The following PNPLA1 variants were observed in gnomAD, a reference collection of about 807,000 sequenced individuals.
PNPLA1 encodes patatin like domain 1, omega-hydroxyceramide transacylase.
A neutral mutation model predicts 51.7 loss-of-function variants in PNPLA1; 36 were observed. That is an observed-to-expected ratio of 0.70 (90% CI 0.53 to 0.92). The LOEUF is 0.92. Among genes scored for constraint, PNPLA1 ranks in the 40% least tolerant of loss-of-function variants. The probability of loss-of-function intolerance (pLI) is 0.00; values close to 1 mark genes in which losing one functional copy is unlikely to be tolerated. For missense variants in PNPLA1, 658 were observed against 682.5 expected, an observed-to-expected ratio of 0.96 and a Z score of 0.40; for synonymous variants, 293 against 280.1, an observed-to-expected ratio of 1.05 and a Z score of -0.46.
chr6:36,290,382 T>C (rs1160697631), intron 1 of PNPLA1, among the ~76,000 whole-genome samples: 4 of 152,116 alleles, frequency 2.6e-5, no homozygotes, highest in Non-Finnish European at 5.9e-5. Context: ...CTTAGTGTAA[T>C]AGCAGGAGCC....
At chr6:36,309,227 C>T (rs1342532211) in intron 8 of PNPLA1, among the ~76,000 whole-genome samples, 2 of 152,132 alleles carry the variant, frequency 1.3e-5, no homozygotes, top group Non-Finnish European at 2.9e-5. Context: ...GTGGAGCAAA[C>T]CACATGTTCT....
intron 1 of PNPLA1, among the ~76,000 whole-genome samples, chr6:36,287,330 G>GTA (rs1770525302): frequency 6.6e-6 from 1 of 152,008 alleles, no homozygotes; most frequent in Non-Finnish European, 1.5e-5. Flanking sequence ...AGGAGGAGGA[G>GTA]AACCAGATTT....
chr6:36,262,832 A>T (rs779791164), intron 1 of PNPLA1, among the ~76,000 whole-genome samples: 146 of 152,338 alleles, frequency 9.6e-4, no homozygotes, highest in Non-Finnish European at 1.2e-3. Context: ...ATGTGGCTAT[A>T]CCATCATTCA....
chr6:36,302,003 A>G lies in PNPLA1; in HGVS notation c.918A>G (p.Gly306=). Residue 306 remains glycine (G), a synonymous_variant, in exon 6 of 9, where the codon GGA becomes GGG. Coordinates refer to ENST00000636260, the MANE Select transcript of PNPLA1 (RefSeq NM_001374623.1). ...SLRARQASLE[G]ATQPHKEWVP... is the part of the protein sequence containing the mutation. ...GAGCACGGCAGGCCAGTCTGGAAGGAGCCACACAACCTCACAAGGAGTGGG... is the reference window on the plus strand; with the variant it reads ...GAGCACGGCAGGCCAGTCTGGAAGGGGCCACACAACCTCACAAGGAGTGGG... The G allele has an allele frequency of 2.5e-6, 4 of 1,614,220 alleles. No homozygotes were observed. Among genetic ancestry groups the G allele is most frequent in the Middle Eastern group, 1.6e-4 (1 of 6,062 alleles).
At chr6:36,286,555 G>A (rs1018194006) in intron 1 of PNPLA1, among the ~76,000 whole-genome samples, 2 of 151,490 alleles carry the variant, frequency 1.3e-5, no homozygotes, top group African/African-American at 4.9e-5. Context: ...GCAACAGAGG[G>A]AGACCCTGTC....
chr6:36,259,649 A>G (rs1582033827), intron 1 of PNPLA1, among the ~76,000 whole-genome samples: 5 of 152,190 alleles, frequency 3.3e-5, no homozygotes, highest in Admixed American at 3.3e-4. Flanking sequence ...TTAATACTAT[A>G]CAGCCATAAA....
chr6:36,293,002 G>A, intron 2 of PNPLA1, 59 bp from the exon 3 acceptor site: 1 of 1,482,638 alleles, frequency 6.7e-7, no homozygotes, highest in Non-Finnish European at 9.2e-7. Flanking sequence ...GCTGACAGGT[G>A]AGCTGTCCCC....
intron 1 of PNPLA1, among the ~76,000 whole-genome samples, chr6:36,280,182 G>C (rs1371726649): frequency 6.6e-6 from 1 of 152,200 alleles, no homozygotes; most frequent in South Asian, 2.1e-4. Flanking sequence ...CTCCAGCCTG[G>C]CAACACAGCA....
upstream of PNPLA1, among the ~76,000 whole-genome samples, chr6:36,268,497 C>G (rs192313258): frequency 2.5e-4 from 38 of 152,252 alleles, 1 homozygote; most frequent in East Asian, 5.4e-3. Flanking sequence ...CCATTACACC[C>G]CTTCCCTTCT....
chr6:36,268,911 A>C (rs964627281), upstream of PNPLA1, among the ~76,000 whole-genome samples: 1 of 152,100 alleles, frequency 6.6e-6, no homozygotes, highest in Non-Finnish European at 1.5e-5. Flanking sequence ...CCACCCTGAC[A>C]CACCCGCCCC....
chr6:36,270,229 C>G lies in PNPLA1; in HGVS notation c.-231C>G, dbSNP rs1269724180. Among the ~76,000 whole-genome samples the G allele has an allele frequency of 2.6e-5, 4 of 152,378 alleles. No individual in the cohort carries two copies. Among genetic ancestry groups the G allele is most frequent in the East Asian group, 3.9e-4 (2 of 5,190 alleles). ...CCGGGGGAGCCTTCTGCATCTCATT[C>G]TGGGGCCCCTTTCCAACCTTTGGAG... is the stretch of plus-strand genomic sequence containing the variant. On this transcript the variant is annotated 5_prime_UTR_variant, in exon 1 of 9. Coordinates refer to ENST00000636260, the MANE Select transcript of PNPLA1 (RefSeq NM_001374623.1).
chr6:36,291,476 A>G lies in PNPLA1; in HGVS notation c.362A>G (p.His121Arg), dbSNP rs1407871103. ...TACAAGGTCACCACGGGGAAGCTCC[A>G]TGTGAGCCTCACCCGCTTAACGGAC... ...DSYKVTTGKL[H>R]VSLTRLTDGE... The change falls in exon 2 of 9, where the codon CAT becomes CGT. Residue 121 changes from histidine to arginine, a missense_variant. By Grantham distance (29) the His-to-Arg change is conservative (BLOSUM62 0). Transcript: ENST00000636260. The G allele has an allele frequency of 4.4e-6, 7 of 1,591,196 alleles. No homozygotes were observed. The highest frequency in any genetic ancestry group is 6.0e-6 in the Non-Finnish European group (7 of 1,165,538).
upstream of PNPLA1, among the ~76,000 whole-genome samples, chr6:36,269,030 CAATGATATGCCTGGAA>C (rs1481932183): frequency 1.3e-4 from 20 of 152,176 alleles, no homozygotes; most frequent in African/African-American, 4.6e-4. Context: ...CAACCTGAGG[CAATGATATGCCTGGAA>C]TTACCTACCC....
chr6:36,254,570 G>A (rs969152697), intron 1 of PNPLA1, among the ~76,000 whole-genome samples: 1 of 149,576 alleles, frequency 6.7e-6, no homozygotes, highest in Non-Finnish European at 1.5e-5. Flanking sequence ...GGAAAACCCT[G>A]TCTCAAACAA....
Position 36,294,337 on chromosome 6 carries a change from T to C in PNPLA1, c.652T>C (p.Phe218Leu), listed in dbSNP as rs1770788892. Reference protein sequence around the residue: ...FHDFRMFNCSFQFSLENIARM... With the variant: ...FHDFRMFNCSLQFSLENIARM... ...CGACTTCCGCATGTTCAACTGCTCCTTCCAGTTCTCCCTGGAGAACATCGC... is the reference window on the plus strand; with the variant it reads ...CGACTTCCGCATGTTCAACTGCTCCCTCCAGTTCTCCCTGGAGAACATCGC... Residue 218 changes from phenylalanine (F) to leucine (L), a missense_variant, in exon 4 of 9, where the codon TTC (phenylalanine) becomes CTC (leucine). By Grantham distance (22) the Phe-to-Leu change is conservative. Transcript: ENST00000636260. This position sits in a 1 kb window ranked among gnomAD's most constrained non-coding sequence, Gnocchi z 4.2. The C allele has an allele frequency of 6.2e-7, 1 of 1,614,102 alleles. No homozygotes were observed. The highest frequency in any genetic ancestry group is 8.5e-7 in the Non-Finnish European group (1 of 1,180,030).
At chr6:36,300,588 A>T (rs998929033) in intron 5 of PNPLA1, among the ~76,000 whole-genome samples, 1 of 152,110 alleles carries the variant, frequency 6.6e-6, no homozygotes, top group South Asian at 2.1e-4. Flanking sequence ...TGGGGTTTTG[A>T]GTTCTGGGGA....
intron 1 of PNPLA1, among the ~76,000 whole-genome samples, chr6:36,273,549 T>A (rs74547305): frequency 1.7e-3 from 264 of 151,654 alleles, no homozygotes; most frequent in East Asian, 0.011. Flanking sequence ...TCCGGGCGCC[T>A]GCGTTGCTCA....
At chr6:36,305,771 T>C (rs1316933777) in intron 6 of PNPLA1, among the ~76,000 whole-genome samples, 7 of 99,340 alleles carry the variant, frequency 7.0e-5, no homozygotes, top group East Asian at 4.4e-4. Context: ...CTTTTCTCTT[T>C]TTTTTTTTTT....
chr6:36,312,867 A>T lies in PNPLA1; in HGVS notation c.*981A>T, dbSNP rs1771437082. Among the ~76,000 whole-genome samples the T allele has an allele frequency of 6.6e-6, 1 of 152,088 alleles. No individual in the cohort carries two copies. The highest frequency in any genetic ancestry group is 6.5e-5 in the Admixed American group (1 of 15,284). ...CTTGGCCTGAGCTTGCTTCTTTGAGATGAGCCAGATCATTTCTAGTCTCCC... is the reference window on the plus strand; with the variant it reads ...CTTGGCCTGAGCTTGCTTCTTTGAGTTGAGCCAGATCATTTCTAGTCTCCC... On this transcript the variant is annotated 3_prime_UTR_variant, in exon 9 of 9. Coordinates refer to ENST00000636260, the MANE Select transcript of PNPLA1 (RefSeq NM_001374623.1).
Sources: allele counts gnomAD v4.1 joint callset (sites outside exome capture counted in the v4.1 genomes callset), GRCh38; gene constraint gnomAD v4.1.1; non-coding constraint Gnocchi (gnomAD v3.1); transcripts MANE v1.5; gene names NCBI Gene and HGNC (gene_info 2026-07-23, HGNC 2026-07-21).